Variants in SLC6A2 observed in about 807,000 individuals in gnomAD.
SLC6A2 encodes solute carrier family 6 member 2.
Under a neutral mutation model 71.7 loss-of-function variants are expected in SLC6A2, and 26 were observed. The ratio of observed to expected loss-of-function variants is 0.36; its 90% CI spans 0.27 to 0.50. The LOEUF (loss-of-function observed/expected upper bound fraction) is 0.50, where lower values mean the gene tolerates loss of function less well. Ranked by LOEUF, SLC6A2 falls within the 20% of genes least tolerant of loss-of-function variation. The pLI, the probability that SLC6A2 is intolerant of heterozygous loss-of-function variation, is 0.96. For synonymous variants in SLC6A2, 363 were observed against 337.9 expected, an observed-to-expected ratio of 1.07 and a Z score of -0.82; for missense variants, 581 against 803.9, an observed-to-expected ratio of 0.72 and a Z score of 3.35.
intron 2 of SLC6A2, among the ~76,000 whole-genome samples, chr16:55,666,952 A>G (rs1462200215): frequency 1.3e-5 from 2 of 152,100 alleles, no homozygotes; most frequent in African/African-American, 4.8e-5. Context: ...CTTCAGGCCT[A>G]TCAAAGATTT....
At chr16:55,673,227 C>T (rs1367356389) in intron 4 of SLC6A2, among the ~76,000 whole-genome samples, 3 of 152,114 alleles carry the variant, frequency 2.0e-5, no homozygotes, top group Non-Finnish European at 4.4e-5. Flanking sequence ...TGCATTTTGG[C>T]GTGATTACCC....
At chr16:55,667,868 A>G (rs1165773358) in intron 2 of SLC6A2, among the ~76,000 whole-genome samples, 2 of 152,216 alleles carry the variant, frequency 1.3e-5, no homozygotes, top group African/African-American at 4.8e-5. Flanking sequence ...CTCTTGAGCC[A>G]GGCAGACCTG....
chr16:55,684,686 G>A (rs13330300), intron 4 of SLC6A2, among the ~76,000 whole-genome samples: 34,062 of 152,070 alleles, frequency 0.22, 4,487 homozygotes, highest in African/African-American at 0.36. Context: ...TATGCCAGTA[G>A]CACCACCTCT....
chr16:55,677,180 A>T (rs1264554553), intron 4 of SLC6A2, among the ~76,000 whole-genome samples: 5 of 152,146 alleles, frequency 3.3e-5, no homozygotes, highest in South Asian at 2.1e-4. Context: ...GAGGAGGAGT[A>T]TGGCCTCAGA....
chr16:55,675,379 AC>A (rs1302237562), intron 4 of SLC6A2, among the ~76,000 whole-genome samples: 1 of 152,166 alleles, frequency 6.6e-6, no homozygotes, highest in African/African-American at 2.4e-5. Context: ...AGGTCCCCAA[AC>A]TTTTCTGCTT....
At position 55,701,844 on chromosome 16, in the gene SLC6A2, C is replaced by T. The variant is rs756211791; in HGVS notation, c.1759-19C>T. ...TCCCTGGGCCAAGCTGAGGCCTCCTCCCCTTCTCTTCCTTTCAGAGACTGG... is the reference window on the plus strand; with the variant it reads ...TCCCTGGGCCAAGCTGAGGCCTCCTTCCCTTCTCTTCCTTTCAGAGACTGG... On this transcript the variant is annotated intron_variant, in intron 13 of 14. Coordinates refer to ENST00000568943, the MANE Select transcript of SLC6A2 (RefSeq NM_001172501.3). The T allele has an allele frequency of 1.2e-6, 2 of 1,609,494 alleles. No individual in the cohort carries two copies. The highest frequency in any genetic ancestry group is 3.3e-5 in the Admixed American group (2 of 60,032).
intron 13 of SLC6A2, 83 bp downstream of exon 13, chr16:55,700,389 G>C (rs1461845860): frequency 2.4e-6 from 3 of 1,274,846 alleles, no homozygotes; most frequent in Non-Finnish European, 2.2e-6. Context: ...TGTTGGGGTG[G>C]GGGAAGGGAC....
intron 7 of SLC6A2, among the ~76,000 whole-genome samples, chr16:55,695,009 C>T (rs530597280): frequency 2.0e-5 from 3 of 152,300 alleles, no homozygotes; most frequent in African/African-American, 7.2e-5. Flanking sequence ...CACTGGGGAG[C>T]AGCCATGGAA....
chr16:55,671,415 G>T (rs1443660373), intron 3 of SLC6A2, among the ~76,000 whole-genome samples: 3 of 152,180 alleles, frequency 2.0e-5, no homozygotes, highest in African/African-American at 2.4e-5. Flanking sequence ...CAAAGAGATG[G>T]CAGGGGCCTA....
chr16:55,664,842 C>A (rs1269782462), intron 2 of SLC6A2, among the ~76,000 whole-genome samples: 1 of 152,222 alleles, frequency 6.6e-6, no homozygotes, highest in Admixed American at 6.5e-5. Flanking sequence ...ACTCTGCCCC[C>A]TTTCCATCTC....
Position 55,705,590 on chromosome 16 carries a change from A to T in SLC6A2, c.*3244A>T, listed in dbSNP as rs1219336584. On this transcript the variant is annotated 3_prime_UTR_variant, in exon 15 of 15. Transcript: ENST00000568943. ...TGGCTTCATCTTTTGGGGCTTCAAGATTCTTTGTCTTTAAAATCAGGGGTT... is the reference window on the plus strand; with the variant it reads ...TGGCTTCATCTTTTGGGGCTTCAAGTTTCTTTGTCTTTAAAATCAGGGGTT... 11 of 272,636 alleles carry T rather than the reference A, an allele frequency of 4.0e-5. No individual in the cohort carries two copies. The Admixed American group carries it at 5.4e-4, about 13-fold the overall frequency. The allele number at this position is 272,636 out of a possible 1,614,324, so 16.9% of individuals were successfully genotyped here. A position where few individuals can be genotyped will look rare whatever the true frequency, so the allele number is the denominator to read the frequency against.
chr16:55,662,486 G>C (rs1342911929), intron 2 of SLC6A2, among the ~76,000 whole-genome samples: 1 of 152,178 alleles, frequency 6.6e-6, no homozygotes, highest in South Asian at 2.1e-4. Flanking sequence ...CAATATTGGA[G>C]GTATTAATCC....
chr16:55,692,797 G>A (rs894245993), intron 6 of SLC6A2, among the ~76,000 whole-genome samples: 3 of 152,154 alleles, frequency 2.0e-5, no homozygotes, highest in African/African-American at 7.2e-5. Flanking sequence ...AGGATGAAGA[G>A]GGATGCATCC....
Position 55,669,683 on chromosome 16 carries a change from C to T in SLC6A2, c.393C>T (p.Cys131=), listed in dbSNP as rs1278186561. 6.2e-7 allele frequency: 1 copy of T among 1,614,116 alleles called. No individual in the cohort carries two copies. The highest frequency in any genetic ancestry group is 2.2e-5 in the East Asian group (1 of 44,876). The change falls in exon 3 of 15, where the codon TGC becomes TGT. Residue 131 remains cysteine, a synonymous_variant. Coordinates refer to ENST00000568943, the MANE Select transcript of SLC6A2 (RefSeq NM_001172501.3). ...REGAATVWKI[C]PFFKGVGYAV... ...GGGCTGCCACCGTTTGGAAAATCTG[C>T]CCATTCTTCAAAGGTAAAGAAGGGG...
chr16:55,706,006 G>A lies in SLC6A2; in HGVS notation c.*3660G>A, dbSNP rs1417288630. ...TGGTGAATGTGAAGTCACTTTTGGGGTGCCTGCCCTCATCCCTCTGTCTCT... is the reference window on the plus strand; with the variant it reads ...TGGTGAATGTGAAGTCACTTTTGGGATGCCTGCCCTCATCCCTCTGTCTCT... On this transcript the variant is annotated 3_prime_UTR_variant, in exon 15 of 15. Transcript: ENST00000568943. 1 of 152,344 alleles carries A rather than the reference G, an allele frequency of 6.6e-6. No individual in the cohort carries two copies. Among genetic ancestry groups the A allele is most frequent in the African/African-American group, 2.4e-5 (1 of 41,564 alleles). The allele number at this position is 152,344 out of a possible 1,614,324, so 9.4% of individuals were successfully genotyped here. A position where few individuals can be genotyped will look rare whatever the true frequency, so the allele number is the denominator to read the frequency against.
At chr16:55,674,147 A>ACCC (rs1334696202) in intron 4 of SLC6A2, among the ~76,000 whole-genome samples, 1 of 152,060 alleles carries the variant, frequency 6.6e-6, no homozygotes, top group Non-Finnish European at 1.5e-5. Flanking sequence ...TGAGCATAGT[A>ACCC]CCCAATAGGT....
chr16:55,701,792 G>T, intron 13 of SLC6A2, 71 bp from the exon 14 acceptor site: 1 of 1,140,742 alleles, frequency 8.8e-7, no homozygotes, highest in Non-Finnish European at 1.3e-6. Flanking sequence ...CCTCATCTGG[G>T]GGTGCAGCCA....
At position 55,704,321 on chromosome 16, in the gene SLC6A2, G is replaced by GT. The variant is rs1369940933; in HGVS notation, c.*1981dup. ...AGCATTTTAGTCACTCTTGCTCAAG[G>GT]TTTTTTAGCAACTAACAGATCGAGT... is the stretch of plus-strand genomic sequence containing the variant. On this transcript the variant is annotated 3_prime_UTR_variant, in exon 15 of 15. Transcript: ENST00000568943. The GT allele has an allele frequency of 2.0e-5, 3 of 152,126 alleles. No individual in the cohort carries two copies. Among genetic ancestry groups the GT allele is most frequent in the Admixed American group, 6.5e-5 (1 of 15,270 alleles). The allele number at this position is 152,126 out of a possible 1,614,324, so 9.4% of individuals were successfully genotyped here.
At position 55,703,442 on chromosome 16, in the gene SLC6A2, A is replaced by G. The variant is rs1567462319; in HGVS notation, c.*1096A>G. ...AAAACTCTCATGCACTAGATGTGGC[A>G]CCTTGGAGGGCAGGGTGAGACAAGC... On this transcript the variant is annotated 3_prime_UTR_variant, in exon 15 of 15. Coordinates refer to ENST00000568943, the MANE Select transcript of SLC6A2 (RefSeq NM_001172501.3). 3 of 985,448 alleles carry G rather than the reference A, an allele frequency of 3.0e-6. No homozygotes were observed. Among genetic ancestry groups the G allele is most frequent in the East Asian group, 2.3e-4 (2 of 8,790 alleles). 61.0% of individuals were successfully genotyped at this position (985,448 alleles called of 1,614,324 possible).
Sources: allele counts gnomAD v4.1 joint callset (sites outside exome capture counted in the v4.1 genomes callset), GRCh38; gene constraint gnomAD v4.1.1; transcripts MANE v1.5; gene names NCBI Gene and HGNC (gene_info 2026-07-23, HGNC 2026-07-21).